SYT14: variants seen among roughly 807,000 people sequenced by gnomAD.
SYT14 encodes synaptotagmin 14, also known as synaptotagmin-14.
A neutral mutation model predicts 74.2 loss-of-function variants in SYT14; 32 were observed. The ratio of observed to expected loss-of-function variants is 0.43; its 90% CI spans 0.33 to 0.58. The LOEUF is 0.58. Ranked by LOEUF, SYT14 falls within the 20% of genes least tolerant of loss-of-function variation. The pLI is 0.05. For missense variants in SYT14, 791 were observed against 981.8 expected (o/e 0.81, Z 2.60); for synonymous variants, 298 against 337.7 (o/e 0.88, Z 1.29).
intron 5 of SYT14, among the ~76,000 whole-genome samples, chr1:210,052,001 T>C (rs1279204688): frequency 6.6e-6 from 1 of 152,200 alleles, no homozygotes; most frequent in African/African-American, 2.4e-5. Context: ...TGGACCCTTT[T>C]TTGCATATGT....
intron 2 of SYT14, among the ~76,000 whole-genome samples, chr1:209,993,504 G>A (rs2079730929): frequency 6.6e-6 from 1 of 152,224 alleles, no homozygotes; most frequent in African/African-American, 2.4e-5. Context: ...CATGAGCTGG[G>A]GAGGAGACTG....
chr1:209,982,862 GT>G (rs922239899), intron 2 of SYT14, among the ~76,000 whole-genome samples: 40 of 152,354 alleles, frequency 2.6e-4, no homozygotes, highest in South Asian at 8.3e-4. Context: ...AGCATTTGGA[GT>G]TGTCAGTGTT....
chr1:209,950,596 G>C (rs2102673621), intron 1 of SYT14, among the ~76,000 whole-genome samples: 1 of 152,222 alleles, frequency 6.6e-6, no homozygotes, highest in East Asian at 1.9e-4. Flanking sequence ...TGGTTATTCT[G>C]TATTTTTAAT....
intron 5 of SYT14, among the ~76,000 whole-genome samples, chr1:210,032,407 A>T (rs768761305): frequency 6.6e-6 from 1 of 152,010 alleles, no homozygotes; most frequent in Non-Finnish European, 1.5e-5. Flanking sequence ...GTCCCACACC[A>T]GGTATCTCTT....
At chr1:209,989,720 T>C (rs11808818) in intron 2 of SYT14, among the ~76,000 whole-genome samples, 20,420 of 152,096 alleles carry the variant, frequency 0.13, 4,315 homozygotes, top group African/African-American at 0.45. Context: ...AGGGGAATTA[T>C]AGTATAGTTA....
chr1:210,110,166 A>G (rs988924631), intron 7 of SYT14, among the ~76,000 whole-genome samples: 1 of 152,194 alleles, frequency 6.6e-6, no homozygotes, highest in Non-Finnish European at 1.5e-5. Flanking sequence ...TACCTAATGT[A>G]GATGATGGGT....
intron 6 of SYT14, among the ~76,000 whole-genome samples, chr1:210,098,992 GGTTTT>G (rs1449617512): frequency 1.3e-5 from 2 of 152,062 alleles, no homozygotes; most frequent in African/African-American, 4.8e-5. Flanking sequence ...CACTCAGGAA[GGTTTT>G]GTTTTGTTTT....
At chr1:209,966,060 C>T (rs139764717) in intron 2 of SYT14, 357 of 392,024 alleles carry the variant, frequency 9.1e-4, no homozygotes, top group African/African-American at 6.6e-3. Flanking sequence ...TTAGTAGAGA[C>T]GGGGTTTCAC....
chr1:209,975,958 C>T (rs565568500), intron 2 of SYT14, among the ~76,000 whole-genome samples: 2 of 152,262 alleles, frequency 1.3e-5, no homozygotes, highest in African/African-American at 4.8e-5. Context: ...AGGAATTTAT[C>T]CATTTCTTCT....
chr1:210,078,750 A>ATT lies in SYT14; in HGVS notation c.1313-15559_1313-15558dup, dbSNP rs60254735. Among the ~76,000 whole-genome samples, 972 of 144,450 alleles carry ATT rather than the reference A, an allele frequency of 6.7e-3. 13 individuals carry two copies. Among genetic ancestry groups the ATT allele is most frequent in the African/African-American group, 0.023 (914 of 39,410 alleles). 94.8% of individuals were successfully genotyped at this position (144,450 alleles called of 152,430 possible). A position where few individuals can be genotyped will look rare whatever the true frequency, so the allele number is the denominator to read the frequency against. On this transcript the variant is annotated intron_variant, in intron 5 of 9. Coordinates refer to ENST00000637265, the Ensembl canonical transcript of SYT14. ...TATGAATAATATGATATACGTATGA[A>ATT]TTTTTTTTTTTTTTGAGACAGGGTC...
chr1:210,129,479 A>G (rs1488215619), intron 7 of SYT14, among the ~76,000 whole-genome samples: 1 of 152,222 alleles, frequency 6.6e-6, no homozygotes, highest in Non-Finnish European at 1.5e-5. Flanking sequence ...GTCACCTTCC[A>G]AATCACATTA....
chr1:210,102,092 A>G (rs911932067), intron 7 of SYT14, among the ~76,000 whole-genome samples: 25 of 152,122 alleles, frequency 1.6e-4, no homozygotes. Context: ...AAGACATAAC[A>G]TTTATTTTTT....
At chr1:210,041,877 A>G (rs2080797170) in intron 5 of SYT14, among the ~76,000 whole-genome samples, 1 of 152,098 alleles carries the variant, frequency 6.6e-6, no homozygotes, top group South Asian at 2.1e-4. Flanking sequence ...AAGCTGCCCT[A>G]GGTAGATAGA....
intron 2 of SYT14, among the ~76,000 whole-genome samples, chr1:209,964,699 C>G (rs1026454204): frequency 6.6e-6 from 1 of 152,094 alleles, no homozygotes. Context: ...ACTTCCTCAG[C>G]AATGAAAATG....
intron 7 of SYT14, among the ~76,000 whole-genome samples, chr1:210,106,710 C>T (rs747201975): frequency 3.9e-5 from 6 of 152,118 alleles, no homozygotes; most frequent in South Asian, 2.1e-4. Flanking sequence ...CCCATGGAGG[C>T]GGGATTATGG....
At chr1:210,013,844 CTAT>C (rs1156583936) in intron 3 of SYT14, 47 bp downstream of exon 3, 2 of 1,554,946 alleles carry the variant, frequency 1.3e-6, no homozygotes, top group Non-Finnish European at 1.7e-6. Flanking sequence ...TTTATCCGTA[CTAT>C]TATTTACTTA....
chr1:210,056,030 T>C (rs961007268), intron 5 of SYT14, among the ~76,000 whole-genome samples: 1 of 152,178 alleles, frequency 6.6e-6, no homozygotes, highest in East Asian at 1.9e-4. Flanking sequence ...ATTTCAGATT[T>C]AAAACTCTGT....
At chr1:209,960,782 C>A (rs544876145) in intron 2 of SYT14, among the ~76,000 whole-genome samples, 1 of 152,180 alleles carries the variant, frequency 6.6e-6, no homozygotes, top group African/African-American at 2.4e-5. Context: ...GGTAGGTTTA[C>A]AAATTATGGG....
intron 2 of SYT14, among the ~76,000 whole-genome samples, chr1:209,977,029 C>A (rs1000321432): frequency 6.6e-6 from 1 of 152,056 alleles, no homozygotes; most frequent in Non-Finnish European, 1.5e-5. Context: ...GTTTGCAACC[C>A]CTGCCTTTTT....
Sources: gnomAD v4.1 joint callset for allele counts (sites outside exome capture counted in the v4.1 genomes callset) on GRCh38, gnomAD v4.1.1 for gene constraint, MANE v1.5 for transcripts, NCBI Gene and HGNC (gene_info 2026-07-23, HGNC 2026-07-21) for gene names.